GALNT13: variants seen among roughly 807,000 people sequenced by gnomAD.
The protein encoded by GALNT13 is polypeptide N-acetylgalactosaminyltransferase 13, also known as UDP-GalNAc:polypeptide N-acetylgalactosaminyltransferase 13.
Under a neutral mutation model 64.2 loss-of-function variants are expected in GALNT13, and 28 were observed. That is an observed-to-expected ratio of 0.44 (90% CI 0.32 to 0.60). The LOEUF (loss-of-function observed/expected upper bound fraction) is 0.60. Ranked by LOEUF, GALNT13 falls within the 20% of genes least tolerant of loss-of-function variation. The probability of loss-of-function intolerance (pLI) is 0.05; values close to 1 mark genes in which losing one functional copy is unlikely to be tolerated. For synonymous variants in GALNT13, 214 were observed against 224.6 expected, an observed-to-expected ratio of 0.95 and a Z score of 0.42; for missense variants, 577 against 669.8, an observed-to-expected ratio of 0.86 and a Z score of 1.53.
At chr2:153,377,029 A>G in the GALNT13 span, among the ~76,000 whole-genome samples, 1 of 152,264 alleles carries the variant, frequency 6.6e-6, no homozygotes, top group East Asian at 1.9e-4. Flanking sequence ...GTATTTGGAG[A>G]TAAAGTCTTT....
chr2:153,436,678 T>C, the GALNT13 span, among the ~76,000 whole-genome samples: 5 of 152,114 alleles, frequency 3.3e-5, no homozygotes, highest in East Asian at 9.6e-4. Context: ...GGTGATATCC[T>C]CTTTATCATT....
intron 2 of GALNT13, among the ~76,000 whole-genome samples, chr2:153,902,524 G>A (rs1688306084): frequency 6.6e-6 from 1 of 152,064 alleles, no homozygotes; most frequent in African/African-American, 2.4e-5. Flanking sequence ...ATTTTTAAAT[G>A]TTATTCTGGT....
the GALNT13 span, among the ~76,000 whole-genome samples, chr2:153,585,491 G>A: frequency 3.9e-5 from 6 of 152,070 alleles, no homozygotes; most frequent in South Asian, 2.1e-4. Flanking sequence ...GAGGTTAAAA[G>A]GTTTAGAAAA....
At chr2:153,856,778 T>A in the GALNT13 span, among the ~76,000 whole-genome samples, 1 of 152,266 alleles carries the variant, frequency 6.6e-6, no homozygotes, top group East Asian at 1.9e-4. Flanking sequence ...CTACACCACA[T>A]AAATGAGTAC....
At chr2:154,444,014 A>G (rs799825) in intron 12 of GALNT13, among the ~76,000 whole-genome samples, 105,210 of 151,934 alleles carry the variant, frequency 0.69, 37,776 homozygotes, top group Admixed American at 0.82. Flanking sequence ...AGTAAGTTGC[A>G]TGTCAGCCTG....
the GALNT13 span, among the ~76,000 whole-genome samples, chr2:153,652,801 GC>G: frequency 6.6e-6 from 1 of 151,926 alleles, no homozygotes; most frequent in Admixed American, 6.6e-5. Context: ...TTCTGCCTCA[GC>G]TCTAAAATAA....
chr2:153,227,532 G>T, the GALNT13 span, among the ~76,000 whole-genome samples: 1 of 152,124 alleles, frequency 6.6e-6, no homozygotes, highest in Non-Finnish European at 1.5e-5. Context: ...CGGTAATGTG[G>T]GTGAGAGTTG....
the GALNT13 span, among the ~76,000 whole-genome samples, chr2:153,075,886 T>C: frequency 6.6e-6 from 1 of 152,186 alleles, no homozygotes; most frequent in Non-Finnish European, 1.5e-5. Context: ...ATATGTTCTC[T>C]ACCTTGCTTT....
intron 10 of GALNT13, among the ~76,000 whole-genome samples, chr2:154,406,826 G>C (rs1051564192): frequency 3.9e-5 from 6 of 152,080 alleles, no homozygotes; most frequent in African/African-American, 1.4e-4. Context: ...CAGCACCTCA[G>C]GTAGTGCCTG....
At chr2:154,224,278 G>A (rs1274217533) in intron 4 of GALNT13, among the ~76,000 whole-genome samples, 4 of 151,910 alleles carry the variant, frequency 2.6e-5, no homozygotes, top group Admixed American at 1.3e-4. Context: ...TCAAAACTTA[G>A]GAAATACACA....
chr2:153,397,287 A>G, the GALNT13 span, among the ~76,000 whole-genome samples: 1 of 152,122 alleles, frequency 6.6e-6, no homozygotes, highest in Non-Finnish European at 1.5e-5. Flanking sequence ...TGCATTTTAC[A>G]TAGCATACAT....
At chr2:154,049,465 A>G (rs1293541980) in intron 3 of GALNT13, among the ~76,000 whole-genome samples, 1 of 147,084 alleles carries the variant, frequency 6.8e-6, no homozygotes, top group Non-Finnish European at 1.5e-5. Context: ...ATATAATGGT[A>G]TATATATATT....
At chr2:153,861,414 C>A in the GALNT13 span, among the ~76,000 whole-genome samples, 1 of 151,988 alleles carries the variant, frequency 6.6e-6, no homozygotes, top group Non-Finnish European at 1.5e-5. Context: ...GGTATTTAGA[C>A]AAATAAAATG....
chr2:154,037,508 A>G (rs985597273), intron 3 of GALNT13, among the ~76,000 whole-genome samples: 1 of 152,144 alleles, frequency 6.6e-6, no homozygotes, highest in African/African-American at 2.4e-5. Context: ...TCCTAGCCAG[A>G]GCACTTAGGC....
chr2:153,149,182 G>C, the GALNT13 span, among the ~76,000 whole-genome samples: 1 of 151,828 alleles, frequency 6.6e-6, no homozygotes, highest in East Asian at 1.9e-4. Flanking sequence ...AATCTAGGCA[G>C]ATAATTGATT....
chr2:153,991,030 T>G (rs374005342), intron 3 of GALNT13, among the ~76,000 whole-genome samples: 2 of 152,184 alleles, frequency 1.3e-5, no homozygotes, highest in African/African-American at 4.8e-5. Context: ...TGGGGACATA[T>G]GTTCAACTGA....
chr2:154,162,727 A>T (rs1000091023), intron 4 of GALNT13, among the ~76,000 whole-genome samples: 6 of 152,234 alleles, frequency 3.9e-5, no homozygotes, highest in Non-Finnish European at 8.8e-5. Flanking sequence ...GTGCTTAAAA[A>T]TAGCAACCAA....
At chr2:154,126,915 C>CA (rs1682316589) in intron 3 of GALNT13, among the ~76,000 whole-genome samples, 4 of 151,322 alleles carry the variant, frequency 2.6e-5, no homozygotes, top group Non-Finnish European at 2.9e-5. Flanking sequence ...CGATATGAGG[C>CA]AAAAAAACAA....
chr2:154,438,558 A>T (rs1222825276), intron 11 of GALNT13, 34 bp from the exon 12 acceptor site: 2 of 1,537,768 alleles, frequency 1.3e-6, no homozygotes, highest in Non-Finnish European at 1.8e-6. Flanking sequence ...TTTAAAACAT[A>T]CATTTTTTTT....
Sources: gnomAD v4.1 joint callset for allele counts (sites outside exome capture counted in the v4.1 genomes callset) on GRCh38, gnomAD v4.1.1 for gene constraint, MANE v1.5 for transcripts, NCBI Gene and HGNC (gene_info 2026-07-23, HGNC 2026-07-21) for gene names.